The following ARHGAP19 variants were observed in gnomAD, a reference collection of about 807,000 sequenced individuals.
The protein encoded by ARHGAP19 is rho GTPase-activating protein 19.
In ARHGAP19, 48 loss-of-function variants were observed where a neutral mutation model predicts 60.9. That is an observed-to-expected ratio of 0.79 (90% CI 0.62 to 1.00). ARHGAP19 has a LOEUF of 1.00. ARHGAP19 is among the 50% of genes least tolerant of loss of function. The pLI is 0.00. For missense variants in ARHGAP19, 562 were observed against 597.2 expected, an observed-to-expected ratio of 0.94 and a Z score of 0.61; for synonymous variants, 209 against 215.5, an observed-to-expected ratio of 0.97 and a Z score of 0.27.
intron 8 of ARHGAP19, among the ~76,000 whole-genome samples, chr10:97,237,388 T>C (rs1842399614): frequency 6.6e-6 from 1 of 151,886 alleles, no homozygotes; most frequent in African/African-American, 2.4e-5. Flanking sequence ...TATATGACAG[T>C]AGGTCCCATC....
Position 97,224,893 on chromosome 10 carries a change from A to G in ARHGAP19, c.*1229T>C. 6.6e-6 allele frequency: 1 copy of G among 152,572 alleles called. No individual in the cohort carries two copies. The highest frequency in any genetic ancestry group is 1.5e-5 in the Non-Finnish European group (1 of 68,222). The allele number at this position is 152,572 out of a possible 1,614,324, so 9.5% of individuals were successfully genotyped here. A position where few individuals can be genotyped will look rare whatever the true frequency, so the allele number is the denominator to read the frequency against. On this transcript the variant is annotated 3_prime_UTR_variant, in exon 12 of 12. Transcript: ENST00000358531. ...CCAGAAGCTCTGGCCCCATCTCCAAATTACCACCTGTGTCCCTTCTGACAA... is the reference window on the plus strand; with the variant it reads ...CCAGAAGCTCTGGCCCCATCTCCAAGTTACCACCTGTGTCCCTTCTGACAA...
chr10:97,255,614 A>C (rs941540717), intron 6 of ARHGAP19, among the ~76,000 whole-genome samples: 3 of 152,204 alleles, frequency 2.0e-5, no homozygotes, highest in Non-Finnish European at 4.4e-5. Context: ...TTCACTATCA[A>C]GGAAGTATAC....
At chr10:97,237,047 T>C (rs1043159343) in intron 8 of ARHGAP19, among the ~76,000 whole-genome samples, 1 of 151,884 alleles carries the variant, frequency 6.6e-6, no homozygotes, top group South Asian at 2.1e-4. Flanking sequence ...AGCAGATCAC[T>C]TGAGCTCAAG....
At chr10:97,261,619 G>T (rs1208614258) in intron 4 of ARHGAP19, among the ~76,000 whole-genome samples, 1 of 151,634 alleles carries the variant, frequency 6.6e-6, no homozygotes, top group Non-Finnish European at 1.5e-5. Context: ...GCATCATTTG[G>T]ATTGCTACTA....
intron 6 of ARHGAP19, among the ~76,000 whole-genome samples, chr10:97,255,167 G>A (rs190651407): frequency 3.3e-5 from 5 of 152,356 alleles, no homozygotes; most frequent in Admixed American, 3.3e-4. Context: ...CAACGTGAAT[G>A]TACTTAATGC....
chr10:97,251,104 G>A (rs1386663326), intron 6 of ARHGAP19, among the ~76,000 whole-genome samples: 1 of 133,974 alleles, frequency 7.5e-6, no homozygotes, highest in Non-Finnish European at 1.6e-5. Flanking sequence ...AGGGGAAAAG[G>A]AAGGGGAAGG....
intron 4 of ARHGAP19, among the ~76,000 whole-genome samples, chr10:97,260,628 T>C (rs779280306): frequency 8.6e-5 from 13 of 151,972 alleles, no homozygotes; most frequent in Non-Finnish European, 1.0e-4. Flanking sequence ...TACAAACAGA[T>C]TGACAATAAA....
intron 1 of ARHGAP19, among the ~76,000 whole-genome samples, chr10:97,269,216 A>T (rs920063308): frequency 1.3e-5 from 2 of 152,244 alleles, no homozygotes; most frequent in African/African-American, 2.4e-5. Flanking sequence ...TGTTAATAAC[A>T]GTATAGTGAA....
chr10:97,240,936 C>T (rs2134831919), intron 8 of ARHGAP19, among the ~76,000 whole-genome samples: 1 of 152,254 alleles, frequency 6.6e-6, no homozygotes, highest in Admixed American at 6.5e-5. Context: ...TTACACACTT[C>T]TGCGGGTTTC....
chr10:97,263,377 G>T (rs768441510), intron 4 of ARHGAP19, 43 bp downstream of exon 4: 2 of 1,576,588 alleles, frequency 1.3e-6, no homozygotes, highest in South Asian at 2.2e-5. Flanking sequence ...TTACTAAATT[G>T]AAAGAAATGT....
At position 97,249,294 on chromosome 10, in the gene ARHGAP19, G is replaced by A. The variant is rs909531587; in HGVS notation, c.928-2957C>T. Among the ~76,000 whole-genome samples the A allele has an allele frequency of 5.3e-5, 8 of 152,074 alleles. No homozygotes were observed. The East Asian group carries it at 5.8e-4, about 11-fold the overall frequency. ...ACAGGTTATTTACTAACCGCAAAGG[G>A]GAAAAAAATTTACCTTTGTAACTGA... On this transcript the variant is annotated intron_variant, in intron 6 of 11. Coordinates refer to ENST00000358531, the MANE Select transcript of ARHGAP19 (RefSeq NM_032900.6).
At chr10:97,241,918 G>T (rs1371100056) in intron 8 of ARHGAP19, among the ~76,000 whole-genome samples, 1 of 151,430 alleles carries the variant, frequency 6.6e-6, no homozygotes, top group Admixed American at 6.6e-5. Context: ...GCTGAGGCAG[G>T]AGAATGGCGT....
intron 9 of ARHGAP19, among the ~76,000 whole-genome samples, chr10:97,233,040 T>G (rs1258990685): frequency 2.6e-5 from 4 of 151,934 alleles, no homozygotes; most frequent in Admixed American, 2.6e-4. Flanking sequence ...TCCCAGCTAC[T>G]AGGGAGGCTG....
Position 97,272,198 on chromosome 10 carries a change from C to T in ARHGAP19, c.57-6073G>A, listed in dbSNP as rs562359688. 5.6e-4 allele frequency among the ~76,000 whole-genome samples: 76 copies of T among 136,334 alleles called. 1 individual carries two copies. Among genetic ancestry groups the T allele is most frequent in the Middle Eastern group, 4.1e-3 (1 of 244 alleles). The allele number at this position is 136,334 out of a possible 152,430, so 89.4% of individuals were successfully genotyped here. A position where few individuals can be genotyped will look rare whatever the true frequency, so the allele number is the denominator to read the frequency against. ...TCACCCGAACTGGAGTGCAGTGGCA[C>T]GATCTCAGCTAACTGCAACTTCCAC... is the stretch of plus-strand genomic sequence containing the variant. On this transcript the variant is annotated intron_variant, in intron 1 of 11. Coordinates refer to ENST00000358531, the MANE Select transcript of ARHGAP19 (RefSeq NM_032900.6).
intron 9 of ARHGAP19, among the ~76,000 whole-genome samples, chr10:97,233,010 A>G (rs946889984): frequency 1.3e-5 from 2 of 152,028 alleles, no homozygotes; most frequent in African/African-American, 4.8e-5. Context: ...TTAGCCGGGC[A>G]TGGTGGTGGG....
In ARHGAP19 at chr10:97,292,612, G is replaced by A; in HGVS notation, c.16C>T (p.Gln6Ter). The part of the protein sequence containing the change: MATEA[Q>*]SEGEVPARES... ...CGGGCTGGCACCTCCCCTTCACTCT[G>A]TGCCTCAGTCGCCATCTTCGTCAGC... is the stretch of plus-strand genomic sequence containing the variant. Residue 6 changes from glutamine (Q) to a stop codon, truncating the protein, a stop_gained, in exon 1 of 12, where the codon CAG becomes TAG. Coordinates refer to ENST00000358531, the MANE Select transcript of ARHGAP19 (RefSeq NM_032900.6). LOFTEE classifies it high-confidence loss of function. 6.2e-7 allele frequency: 1 copy of A among 1,614,174 alleles called. No homozygotes were observed. The highest frequency in any genetic ancestry group is 8.5e-7 in the Non-Finnish European group (1 of 1,180,038).
In ARHGAP19 at chr10:97,243,552, G is replaced by T. The variant is rs143970459; in HGVS notation, c.1185+416C>A. Among the ~76,000 whole-genome samples the T allele has an allele frequency of 3.8e-3, 575 of 152,258 alleles. 4 individuals carry two copies. Among genetic ancestry groups the T allele is most frequent in the African/African-American group, 0.013 (539 of 41,546 alleles). ...TTACCACTTAGACTTTGCTATGCCAGCCACTCTACACAGATTATCTCTAAT... is the reference window on the plus strand; with the variant it reads ...TTACCACTTAGACTTTGCTATGCCATCCACTCTACACAGATTATCTCTAAT... On this transcript the variant is annotated intron_variant, in intron 8 of 11. Transcript: ENST00000358531.
At chr10:97,226,228 T>C (rs1312953639) in intron 11 of ARHGAP19, 96 bp from the exon 12 acceptor site, 2 of 1,287,396 alleles carry the variant, frequency 1.6e-6, no homozygotes, top group African/African-American at 3.0e-5. Flanking sequence ...CACTTAATAT[T>C]TTCTCCAAAC....
chr10:97,252,064 G>C (rs978528869), intron 6 of ARHGAP19, among the ~76,000 whole-genome samples: 19 of 152,044 alleles, frequency 1.2e-4, no homozygotes, highest in South Asian at 1.0e-3. Context: ...GTGTTGGGAA[G>C]AGTTAAACCA....
Sources: gnomAD v4.1 joint callset for allele counts (sites outside exome capture counted in the v4.1 genomes callset) on GRCh38, gnomAD v4.1.1 for gene constraint, MANE v1.5 for transcripts, NCBI Gene and HGNC (gene_info 2026-07-23, HGNC 2026-07-21) for gene names.